Variants in LGR6 observed in about 807,000 individuals in gnomAD.
LGR6 encodes leucine rich repeat containing G protein-coupled receptor 6, also known as leucine-rich repeat-containing G protein-coupled receptor 6.
Under a neutral mutation model 69.4 loss-of-function variants are expected in LGR6, and 45 were observed. The observed-to-expected ratio is 0.65, with a 90% CI of 0.51 to 0.83. LGR6 has a LOEUF of 0.83. Ranked by LOEUF, LGR6 falls within the 40% of genes least tolerant of loss-of-function variation. The pLI, the probability that LGR6 is intolerant of heterozygous loss-of-function variation, is 0.00. For missense variants in LGR6, 1,108 were observed against 1,246.7 expected (o/e 0.89, Z 1.68); for synonymous variants, 538 against 555.0 (o/e 0.97, Z 0.43).
chr1:202,256,090 C>G (rs1663749761), intron 4 of LGR6, among the ~76,000 whole-genome samples: 1 of 152,112 alleles, frequency 6.6e-6, no homozygotes, highest in Admixed American at 6.5e-5. Flanking sequence ...CTTTCTGTCT[C>G]TTTGGATTTG....
At chr1:202,262,845 T>C (rs1664343853) in intron 4 of LGR6, among the ~76,000 whole-genome samples, 1 of 152,196 alleles carries the variant, frequency 6.6e-6, no homozygotes, top group African/African-American at 2.4e-5. Context: ...CAATGCAAAT[T>C]TGAATTTTGC....
rs545457658 is a variant in LGR6, at chr1:202,238,892, C to A, written c.428+2899C>A. 3.3e-5 allele frequency among the ~76,000 whole-genome samples: 5 copies of A among 152,280 alleles called. No homozygotes were observed. The South Asian group carries it at 1.0e-3, about 32-fold the overall frequency. ...GAAGGAACCTGAAAGGTTCTTGTAT[C>A]GGTTGGAATCCCGAGAGCTCCCCAA... On this transcript the variant is annotated intron_variant, in intron 4 of 17. Coordinates refer to ENST00000367278, the MANE Select transcript of LGR6 (RefSeq NM_001017403.2).
intron 1 of LGR6, among the ~76,000 whole-genome samples, chr1:202,219,179 G>A (rs1214697102): frequency 3.3e-5 from 5 of 152,168 alleles, no homozygotes; most frequent in African/African-American, 9.7e-5. Flanking sequence ...TCTCCGTGGC[G>A]GCCAGCCTGT....
In LGR6 at chr1:202,268,141, G is replaced by A. The variant is rs1484169065; in HGVS notation, c.429-8165G>A. Among the ~76,000 whole-genome samples the A allele has an allele frequency of 6.6e-6, 1 of 152,198 alleles. No individual in the cohort carries two copies. The highest frequency in any genetic ancestry group is 1.5e-5 in the Non-Finnish European group (1 of 68,030). ...CAGATTCTGTGTGTTCCCCAGTCGAGCAAGCCCTCCTGCCAAGCAGGGCCA... is the reference window on the plus strand; with the variant it reads ...CAGATTCTGTGTGTTCCCCAGTCGAACAAGCCCTCCTGCCAAGCAGGGCCA... On this transcript the variant is annotated intron_variant, in intron 4 of 17. Transcript: ENST00000367278. This position sits in a 1 kb window ranked among gnomAD's most constrained non-coding sequence, Gnocchi z 4.4.
intron 3 of LGR6, among the ~76,000 whole-genome samples, chr1:202,231,611 G>A (rs1223362703): frequency 6.6e-6 from 1 of 152,204 alleles, no homozygotes; most frequent in Non-Finnish European, 1.5e-5. Context: ...CTTTTAAAGT[G>A]GAGGAGTCAG....
chr1:202,235,084 T>G (rs1661422903), intron 3 of LGR6, among the ~76,000 whole-genome samples: 1 of 152,134 alleles, frequency 6.6e-6, no homozygotes, highest in South Asian at 2.1e-4. Flanking sequence ...CGCTTTCGAG[T>G]GCTATCCTCA....
chr1:202,214,367 T>A, intron 1 of LGR6: 5 of 958,088 alleles, frequency 5.2e-6, no homozygotes, highest in Non-Finnish European at 7.4e-6. Context: ...CCTTCCATTG[T>A]TCTGGGAGCC....
chr1:202,260,857 CT>C (rs1038411196), intron 4 of LGR6, among the ~76,000 whole-genome samples: 1 of 152,176 alleles, frequency 6.6e-6, no homozygotes, highest in Admixed American at 6.5e-5. Context: ...CCATTTCCCC[CT>C]GACATGCAGT....
intron 4 of LGR6, among the ~76,000 whole-genome samples, chr1:202,238,790 G>A (rs1661864066): frequency 6.6e-6 from 1 of 151,790 alleles, no homozygotes; most frequent in South Asian, 2.1e-4. Flanking sequence ...TGAAAGACTA[G>A]TATGAATCAG....
intron 4 of LGR6, among the ~76,000 whole-genome samples, chr1:202,266,105 TTA>T (rs1664625113): frequency 9.9e-6 from 1 of 101,486 alleles, no homozygotes; most frequent in Admixed American, 1.2e-4. Flanking sequence ...ACTTTCCAGA[TTA>T]AAAAAAAAAA....
chr1:202,257,396 T>G (rs556281203), intron 4 of LGR6, among the ~76,000 whole-genome samples: 2 of 152,212 alleles, frequency 1.3e-5, no homozygotes. Context: ...CAGAAAGATA[T>G]ATGCCTATGT....
intron 1 of LGR6, among the ~76,000 whole-genome samples, chr1:202,207,205 C>G (rs1480982432): frequency 2.0e-5 from 3 of 152,214 alleles, no homozygotes; most frequent in Non-Finnish European, 1.5e-5. Context: ...GTGTGAGCCA[C>G]TGTGCCCGGC....
chr1:202,276,157 G>C (rs144863650), intron 4 of LGR6, 149 bp from the exon 5 acceptor site: 5 of 622,440 alleles, frequency 8.0e-6, no homozygotes, highest in Non-Finnish European at 1.4e-5. Flanking sequence ...TCGAAGAGGC[G>C]GGATACAGGA....
At chr1:202,254,587 C>T (rs760193904) in intron 4 of LGR6, among the ~76,000 whole-genome samples, 1 of 152,198 alleles carries the variant, frequency 6.6e-6, no homozygotes, top group Non-Finnish European at 1.5e-5. Context: ...TGCTGATGTG[C>T]CTGCCTTCAG....
chr1:202,224,438 C>T (rs909262509), intron 1 of LGR6, among the ~76,000 whole-genome samples: 3 of 152,086 alleles, frequency 2.0e-5, no homozygotes, highest in Admixed American at 2.0e-4. Flanking sequence ...TAGTGGTGTG[C>T]CAGTTCTGTG....
chr1:202,241,147 C>T (rs1238450859), intron 4 of LGR6, among the ~76,000 whole-genome samples: 2 of 152,142 alleles, frequency 1.3e-5, no homozygotes, highest in Non-Finnish European at 2.9e-5. Context: ...CTTCCCAAGG[C>T]GTACCAGCAA....
chr1:202,274,752 C>T (rs997266314), intron 4 of LGR6, among the ~76,000 whole-genome samples: 11 of 152,200 alleles, frequency 7.2e-5, no homozygotes, highest in African/African-American at 2.7e-4. Context: ...CACAGACCAT[C>T]AAGGGTGTGA....
chr1:202,245,971 C>A (rs1662631265), intron 4 of LGR6, among the ~76,000 whole-genome samples: 1 of 149,996 alleles, frequency 6.7e-6, no homozygotes, highest in Admixed American at 6.6e-5. Context: ...TCCATCCCTC[C>A]CTCCCTTCAT....
At chr1:202,250,190 A>G (rs1220666479) in intron 4 of LGR6, among the ~76,000 whole-genome samples, 1 of 151,062 alleles carries the variant, frequency 6.6e-6, no homozygotes, top group Non-Finnish European at 1.5e-5. Flanking sequence ...CCCACCTCCT[A>G]CTCATCCTTT....
Sources: allele counts gnomAD v4.1 joint callset (sites outside exome capture counted in the v4.1 genomes callset), GRCh38; gene constraint gnomAD v4.1.1; non-coding constraint Gnocchi (gnomAD v3.1); transcripts MANE v1.5; gene names NCBI Gene and HGNC (gene_info 2026-07-23, HGNC 2026-07-21).